Variants in ZC3H13 observed in about 807,000 individuals in gnomAD.
ZC3H13 encodes zinc finger CCCH domain-containing protein 13.
A neutral mutation model predicts 204.1 loss-of-function variants in ZC3H13; 64 were observed. The observed-to-expected ratio is 0.31, with a 90% CI of 0.26 to 0.39. The LOEUF is 0.39. Ranked by LOEUF, ZC3H13 falls within the 10% of genes least tolerant of loss-of-function variation. The pLI, the probability that ZC3H13 is intolerant of heterozygous loss-of-function variation, is 1.00. For missense variants in ZC3H13, 1,833 were observed against 2,082.7 expected (o/e 0.88, Z 2.33); for synonymous variants, 667 against 693.7 (o/e 0.96, Z 0.60).
intron 3 of ZC3H13, among the ~76,000 whole-genome samples, chr13:46,044,266 C>T (rs2043791601): frequency 6.6e-6 from 1 of 151,286 alleles, no homozygotes. Context: ...AATTTTGGAT[C>T]TAGGTAAATT....
intron 8 of ZC3H13, 51 bp downstream of exon 8, chr13:46,003,088 T>A: frequency 1.3e-6 from 2 of 1,573,886 alleles, no homozygotes; most frequent in Non-Finnish European, 1.7e-6. Context: ...AAAGTAAATA[T>A]TCTATATTCT....
At position 45,985,495 on chromosome 13, in the gene ZC3H13, T is replaced by C; in HGVS notation, c.1522A>G (p.Arg508Gly). Residue 508 changes from arginine to glycine, a missense_variant, in exon 10 of 19, where the codon AGG becomes GGG. Transcript: ENST00000679008. Reference sequence around the variant, plus strand: ...TGAGTATCTCGACCTTCACGGTCCCTGTAGTCATGGGCATCACGAGTGGAC... The same window carrying C: ...TGAGTATCTCGACCTTCACGGTCCCCGTAGTCATGGGCATCACGAGTGGAC... ...SRSTRDAHDYRDREGRDTHRK... is the reference protein window; with the variant it reads ...SRSTRDAHDYGDREGRDTHRK... 6.2e-7 allele frequency: 1 copy of C among 1,614,216 alleles called. No individual in the cohort carries two copies.
chr13:46,005,651 G>A (rs1178074740), intron 7 of ZC3H13, among the ~76,000 whole-genome samples: 1 of 151,974 alleles, frequency 6.6e-6, no homozygotes, highest in Non-Finnish European at 1.5e-5. Flanking sequence ...CACCACAACT[G>A]GCTAAATTTC....
chr13:45,969,662 T>C lies in ZC3H13; in HGVS notation c.2882A>G (p.Lys961Arg). 6.2e-7 allele frequency: 1 copy of C among 1,609,200 alleles called. No homozygotes were observed. The highest frequency in any genetic ancestry group is 8.5e-7 in the Non-Finnish European group (1 of 1,179,010). ...TTTCTTAATTGGTTTCTTTTGAATT[T>C]TTGCTTTCTTCTTGTTTTCATCATG... ...RAHDENKKKA[K>R]IQKKPIKKKK... Residue 961 changes from lysine to arginine, a missense_variant, in exon 14 of 19, where the codon AAA (lysine) becomes AGA (arginine). Physicochemically the swap from Lys to Arg is conservative, Grantham distance 26. Coordinates refer to ENST00000679008, the MANE Select transcript of ZC3H13 (RefSeq NM_001330564.2).
intron 7 of ZC3H13, among the ~76,000 whole-genome samples, chr13:46,004,631 A>G (rs552738925): frequency 3.7e-4 from 57 of 152,290 alleles, no homozygotes; most frequent in African/African-American, 1.3e-3. Context: ...AAACTTTCTA[A>G]AACAATTTCA....
At chr13:46,045,605 G>GT in intron 1 of ZC3H13, 89 bp from the exon 2 acceptor site, 1 of 846,412 alleles carries the variant, frequency 1.2e-6, no homozygotes, top group South Asian at 1.5e-5. Context: ...AAAACTATAG[G>GT]TAACAGTGTA....
intron 4 of ZC3H13, among the ~76,000 whole-genome samples, chr13:46,040,065 G>A (rs1026741672): frequency 9.9e-5 from 15 of 152,158 alleles, no homozygotes; most frequent in Non-Finnish European, 2.1e-4. Context: ...TAGATTAGGG[G>A]TGGAATATTG....
intron 17 of ZC3H13, among the ~76,000 whole-genome samples, 166 bp from the exon 18 acceptor site, chr13:45,959,812 C>T (rs1400344710): frequency 2.6e-5 from 4 of 152,004 alleles, no homozygotes; most frequent in Non-Finnish European, 2.9e-5. Context: ...ACCTTCAACA[C>T]GTAGTTATGT....
rs1341996433 is a variant in ZC3H13 at position 45,981,351 on chromosome 13, A to G, written c.1721-1347T>C. 2.0e-5 allele frequency among the ~76,000 whole-genome samples: 3 copies of G among 152,214 alleles called. No homozygotes were observed. The East Asian group carries it at 5.8e-4, about 29-fold the overall frequency. ...ATGGCTGCATAGTATTCCATGGTGT[A>G]TATGTACCACATTTTCTTAATCCAG... On this transcript the variant is annotated intron_variant, in intron 10 of 18. Coordinates refer to ENST00000679008, the MANE Select transcript of ZC3H13 (RefSeq NM_001330564.2).
intron 12 of ZC3H13, among the ~76,000 whole-genome samples, chr13:45,974,701 G>C (rs1026860472): frequency 3.9e-5 from 6 of 152,108 alleles, no homozygotes; most frequent in Non-Finnish European, 8.8e-5. Flanking sequence ...TGGGGGTAGT[G>C]ACTCCATAAT....
intron 10 of ZC3H13, among the ~76,000 whole-genome samples, chr13:45,982,983 A>G (rs1339397450): frequency 2.6e-5 from 4 of 152,152 alleles, no homozygotes; most frequent in African/African-American, 9.7e-5. Flanking sequence ...ATCAAACTAT[A>G]AGTAGAAATC....
chr13:46,034,642 T>G (rs2043102613), intron 4 of ZC3H13, among the ~76,000 whole-genome samples: 1 of 152,188 alleles, frequency 6.6e-6, no homozygotes, highest in Admixed American at 6.5e-5. Flanking sequence ...AGATATGTTC[T>G]GTATCTTGAT....
intron 4 of ZC3H13, among the ~76,000 whole-genome samples, chr13:46,036,588 A>C (rs1054916912): frequency 4.3e-4 from 66 of 152,230 alleles, no homozygotes; most frequent in Non-Finnish European, 6.3e-4. Flanking sequence ...AAAGAAAAAA[A>C]ACAAAACCTC....
At chr13:46,022,002 T>C (rs2042245749) in intron 4 of ZC3H13, among the ~76,000 whole-genome samples, 1 of 151,862 alleles carries the variant, frequency 6.6e-6, no homozygotes, top group Admixed American at 6.6e-5. Flanking sequence ...TAAAATCCAA[T>C]TGCAAGTCTA....
At chr13:46,020,838 C>A (rs913547956) in intron 4 of ZC3H13, among the ~76,000 whole-genome samples, 2 of 151,970 alleles carry the variant, frequency 1.3e-5, no homozygotes, top group Admixed American at 1.3e-4. Context: ...AGAACAAAAA[C>A]TTTAAATATT....
chr13:46,008,310 G>A (rs1383973382), intron 7 of ZC3H13, among the ~76,000 whole-genome samples: 1 of 103,798 alleles, frequency 9.6e-6, no homozygotes, highest in African/African-American at 4.2e-5. Flanking sequence ...CTGCATAAAT[G>A]TTATACTCCA....
chr13:45,976,483 A>G (rs1172689233), intron 11 of ZC3H13, among the ~76,000 whole-genome samples: 2 of 152,252 alleles, frequency 1.3e-5, no homozygotes, highest in Non-Finnish European at 2.9e-5. Flanking sequence ...AGTGATATAT[A>G]TTTGTAATTA....
chr13:45,968,006 A>C lies in ZC3H13; in HGVS notation c.3819T>G (p.His1273Gln), dbSNP rs750009672. ...ACTCTGGAGAACTTCTTCTTGAACT[A>C]TGGCTTCTTGAATCCTGGCGATCTA... ...TSSDRQDSRSHSSRRSSPESD... is the reference protein window; with the variant it reads ...TSSDRQDSRSQSSRRSSPESD... The change falls in exon 15 of 19, where the codon CAT becomes CAG. Residue 1273 changes from histidine to glutamine, a missense_variant. His to Gln is a conservative substitution (Grantham distance 24, BLOSUM62 0). Around this residue, in one of 5 missense-constraint regions of ZC3H13, gnomAD observed 1,574 missense variants for 1,757.2 expected, o/e 0.90. Coordinates refer to ENST00000679008, the MANE Select transcript of ZC3H13 (RefSeq NM_001330564.2). The C allele has an allele frequency of 1.9e-6, 3 of 1,600,964 alleles. No individual in the cohort carries two copies. Among genetic ancestry groups the C allele is most frequent in the Non-Finnish European group, 2.6e-6 (3 of 1,175,646 alleles).
chr13:46,026,973 C>G (rs145487636), intron 4 of ZC3H13, among the ~76,000 whole-genome samples: 157 of 152,226 alleles, frequency 1.0e-3, no homozygotes, highest in African/African-American at 3.7e-3. Flanking sequence ...AAAGCTGATT[C>G]TCTGAAAATA....
Sources: allele counts gnomAD v4.1 joint callset (sites outside exome capture counted in the v4.1 genomes callset), GRCh38; gene constraint gnomAD v4.1.1; regional missense constraint gnomAD v4.1.1; transcripts MANE v1.5; gene names NCBI Gene and HGNC (gene_info 2026-07-23, HGNC 2026-07-21).